The following GALNT1 variants were observed in gnomAD, a reference collection of about 807,000 sequenced individuals.
The protein encoded by GALNT1 is polypeptide N-acetylgalactosaminyltransferase 1, also known as GalNAc transferase 1.
Under a neutral mutation model 65.7 loss-of-function variants are expected in GALNT1, and 17 were observed. The ratio of observed to expected loss-of-function variants is 0.26; its 90% CI spans 0.18 to 0.39. GALNT1 has a LOEUF of 0.39. Ranked by LOEUF, GALNT1 falls within the 10% of genes least tolerant of loss-of-function variation. The pLI, the probability that GALNT1 is intolerant of heterozygous loss-of-function variation, is 1.00. For missense variants in GALNT1, 460 were observed against 672.8 expected, an observed-to-expected ratio of 0.68 and a Z score of 3.50; for synonymous variants, 210 against 219.7, an observed-to-expected ratio of 0.96 and a Z score of 0.39.
chr18:35,709,518 A>C, intron 11 of GALNT1, 106 bp from the exon 12 acceptor site: 2 of 1,132,620 alleles, frequency 1.8e-6, no homozygotes, highest in South Asian at 3.0e-5. Flanking sequence ...AATAATGTAT[A>C]TTACCAAAAA....
At chr18:35,668,329 C>T (rs1050053877) in intron 3 of GALNT1, among the ~76,000 whole-genome samples, 2 of 152,012 alleles carry the variant, frequency 1.3e-5, no homozygotes, top group Admixed American at 6.6e-5. Flanking sequence ...TAAAAGGTGG[C>T]GTCATTACAG....
At chr18:35,636,895 T>C (rs2047098337) in intron 1 of GALNT1, among the ~76,000 whole-genome samples, 1 of 151,936 alleles carries the variant, frequency 6.6e-6, no homozygotes. Context: ...TTTGTGTCTT[T>C]ATGTCACATT....
intron 11 of GALNT1, among the ~76,000 whole-genome samples, chr18:35,704,184 C>T (rs2048214696): frequency 1.3e-5 from 2 of 152,200 alleles, no homozygotes; most frequent in Non-Finnish European, 2.9e-5. Context: ...CACCTATTTG[C>T]CTAATTTTTC....
At chr18:35,686,722 T>TA (rs1320188576) in intron 5 of GALNT1, among the ~76,000 whole-genome samples, 1 of 152,070 alleles carries the variant, frequency 6.6e-6, no homozygotes, top group Admixed American at 6.6e-5. Context: ...ATTAAAGTCT[T>TA]AAATATAAAA....
intron 10 of GALNT1, among the ~76,000 whole-genome samples, chr18:35,703,251 C>G (rs559029568): frequency 6.6e-6 from 1 of 151,994 alleles, no homozygotes; most frequent in Admixed American, 6.5e-5. Context: ...AAACAGATGA[C>G]AACCCTTGAC....
intron 1 of GALNT1, among the ~76,000 whole-genome samples, chr18:35,650,082 T>C (rs16966960): frequency 0.062 from 9,374 of 152,264 alleles, 319 homozygotes; most frequent in South Asian, 0.076. Flanking sequence ...CTTTAAACTT[T>C]ATCAGAGGAA....
intron 1 of GALNT1, among the ~76,000 whole-genome samples, chr18:35,630,334 A>G (rs1327694856): frequency 1.3e-5 from 2 of 152,236 alleles, no homozygotes; most frequent in Non-Finnish European, 2.9e-5. Context: ...GTAAAAGAAC[A>G]GAAATTACAA....
intron 3 of GALNT1, among the ~76,000 whole-genome samples, chr18:35,664,912 A>G (rs151331133): frequency 4.5e-4 from 69 of 152,342 alleles, no homozygotes; most frequent in Non-Finnish European, 9.0e-4. Context: ...AAGGGTAAGT[A>G]CCTAGTGTGG....
At chr18:35,635,798 T>A (rs1308459669) in intron 1 of GALNT1, among the ~76,000 whole-genome samples, 1 of 152,154 alleles carries the variant, frequency 6.6e-6, no homozygotes, top group Non-Finnish European at 1.5e-5. Context: ...ATTTCCTATT[T>A]TTGTCCACAG....
chr18:35,671,978 CTT>C (rs1260540394), intron 3 of GALNT1, among the ~76,000 whole-genome samples: 1 of 152,180 alleles, frequency 6.6e-6, no homozygotes, highest in Non-Finnish European at 1.5e-5. Context: ...AATCTATACT[CTT>C]ATTTTTTCTC....
chr18:35,669,293 A>G (rs2047596265), intron 3 of GALNT1, among the ~76,000 whole-genome samples: 1 of 152,238 alleles, frequency 6.6e-6, no homozygotes. Flanking sequence ...ACATAAACAC[A>G]GACTTCCAGG....
chr18:35,650,490 A>G (rs1319351288), intron 1 of GALNT1, among the ~76,000 whole-genome samples: 4 of 152,224 alleles, frequency 2.6e-5, no homozygotes, highest in Non-Finnish European at 5.9e-5. Flanking sequence ...ATCAAAATTT[A>G]CTAGGCGGGA....
intron 1 of GALNT1, among the ~76,000 whole-genome samples, chr18:35,593,235 A>C (rs1412988290): frequency 6.6e-6 from 1 of 152,190 alleles, no homozygotes; most frequent in African/African-American, 2.4e-5. Context: ...AAACCAATAG[A>C]GGAGGCCTTA....
chr18:35,595,544 G>T (rs993102625), intron 1 of GALNT1, among the ~76,000 whole-genome samples: 6 of 152,198 alleles, frequency 3.9e-5, no homozygotes, highest in African/African-American at 1.4e-4. Flanking sequence ...AAGCTGCTGC[G>T]TGTCCACTCT....
intron 9 of GALNT1, among the ~76,000 whole-genome samples, chr18:35,693,679 A>G (rs777648618): frequency 2.0e-5 from 3 of 152,216 alleles, no homozygotes; most frequent in Admixed American, 6.5e-5. Flanking sequence ...AAGGGAATCA[A>G]CAGTAGTTTG....
At chr18:35,614,768 TA>T (rs1246508401) in intron 1 of GALNT1, among the ~76,000 whole-genome samples, 4 of 152,120 alleles carry the variant, frequency 2.6e-5, no homozygotes, top group Non-Finnish European at 4.4e-5. Flanking sequence ...GAATGCCAAT[TA>T]ATCAACAAGA....
intron 1 of GALNT1, among the ~76,000 whole-genome samples, chr18:35,648,901 C>A (rs2047272289): frequency 6.6e-6 from 1 of 151,952 alleles, no homozygotes; most frequent in Non-Finnish European, 1.5e-5. Flanking sequence ...CCTTTTTCAG[C>A]CCTTGGCAGC....
intron 3 of GALNT1, among the ~76,000 whole-genome samples, chr18:35,664,917 G>C (rs1407458437): frequency 2.0e-5 from 3 of 152,216 alleles, no homozygotes; most frequent in Non-Finnish European, 4.4e-5. Context: ...TAAGTACCTA[G>C]TGTGGTCCTG....
At chr18:35,598,322 A>G (rs938707300) in intron 1 of GALNT1, among the ~76,000 whole-genome samples, 36 of 152,064 alleles carry the variant, frequency 2.4e-4, no homozygotes, top group African/African-American at 8.0e-4. Context: ...GGCGTGAGCC[A>G]CTGTGCCTGG....
Sources: allele counts gnomAD v4.1 joint callset (sites outside exome capture counted in the v4.1 genomes callset), GRCh38; gene constraint gnomAD v4.1.1; transcripts MANE v1.5; gene names NCBI Gene and HGNC (gene_info 2026-07-23, HGNC 2026-07-21).